The following SDK2 variants were observed in gnomAD, a reference collection of about 807,000 sequenced individuals.
The protein encoded by SDK2 is sidekick cell adhesion molecule 2.
In SDK2, 105 loss-of-function variants were observed where a neutral mutation model predicts 253.9. The ratio of observed to expected loss-of-function variants is 0.41; its 90% confidence interval spans 0.35 to 0.49. The LOEUF (loss-of-function observed/expected upper bound fraction) is 0.49. Among genes scored for constraint, SDK2 ranks in the 20% least tolerant of loss-of-function variants. SDK2 has a pLI of 0.06. For synonymous variants in SDK2, 1,249 were observed against 1,234.9 expected, an observed-to-expected ratio of 1.01 and a Z score of -0.24; for missense variants, 2,608 against 3,003.0, an observed-to-expected ratio of 0.87 and a Z score of 3.07.
At chr17:73,551,411 A>C (rs2045056299) in intron 1 of SDK2, among the ~76,000 whole-genome samples, 1 of 152,186 alleles carries the variant, frequency 6.6e-6, no homozygotes, top group African/African-American at 2.4e-5. Flanking sequence ...GGAGTCACTG[A>C]CGGTCTAAGT....
chr17:73,469,884 A>G (rs1432997168), intron 3 of SDK2, among the ~76,000 whole-genome samples: 1 of 152,044 alleles, frequency 6.6e-6, no homozygotes, highest in Non-Finnish European at 1.5e-5. Flanking sequence ...AACTCCAGAA[A>G]GTTTCTACTG....
rs938723649 is a variant in SDK2, at chr17:73,433,746, A to G, written c.1298T>C (p.Ile433Thr). The change falls in exon 10 of 45, where the codon ATC (isoleucine) becomes ACC (threonine). Residue 433 changes from isoleucine (I) to threonine (T), a missense_variant. Around this residue, in one of 2 missense-constraint regions of SDK2, gnomAD observed 1,505 missense variants for 1,859.1 expected, o/e 0.81. Transcript: ENST00000392650. Reference protein sequence around the residue: ...CETSGAPRPAITWQKGERILA... With the variant: ...CETSGAPRPATTWQKGERILA... Reference sequence around the variant, plus strand: ...GTTCCATCTACCTTTCTGCCAAGTGATAGCTGGTCGGGGCGCCCCCGAGGT... The same window carrying G: ...GTTCCATCTACCTTTCTGCCAAGTGGTAGCTGGTCGGGGCGCCCCCGAGGT... 5.0e-6 allele frequency: 8 copies of G among 1,604,946 alleles called. No individual in the cohort carries two copies. Among genetic ancestry groups the G allele is most frequent in the Non-Finnish European group, 6.8e-6 (8 of 1,175,676 alleles).
In SDK2 at chr17:73,433,802, G is replaced by C. The variant is rs761629975; in HGVS notation, c.1242C>G (p.Ile414Met). The C allele has an allele frequency of 6.2e-7, 1 of 1,602,476 alleles. No homozygotes were observed. Among genetic ancestry groups the C allele is most frequent in the Non-Finnish European group, 8.5e-7 (1 of 1,174,442 alleles). ...ATGCTAGCACCACTGACATGCCATC[G>C]ATCACCGTGCTGTCCAGGGGGCCTC... ...ITRGPLDSTV[I>M]DGMSVVLACE... Residue 414 changes from isoleucine to methionine, a missense_variant, in exon 10 of 45, where the codon ATC becomes ATG. Ile to Met is a conservative substitution (Grantham distance 10). Around this residue, in one of 2 missense-constraint regions of SDK2, gnomAD observed 1,505 missense variants for 1,859.1 expected, o/e 0.81. Transcript: ENST00000392650.
At chr17:73,550,515 G>A (rs534125566) in intron 1 of SDK2, among the ~76,000 whole-genome samples, 2 of 152,184 alleles carry the variant, frequency 1.3e-5, no homozygotes, top group Admixed American at 6.5e-5. Flanking sequence ...CCTGGGTGGC[G>A]GGGGAGTCAG....
At chr17:73,358,242 C>A (rs1200684044) in intron 39 of SDK2, 38 bp from the exon 40 acceptor site, 5 of 1,555,968 alleles carry the variant, frequency 3.2e-6, no homozygotes, top group Middle Eastern at 2.2e-4. Flanking sequence ...TGTATGGAAC[C>A]CAGAACAGCC....
In SDK2 at chr17:73,338,629, T is replaced by A. The variant is rs1270914361; in HGVS notation, c.6477A>T (p.Pro2159=). ...TLYRPPSSLA[P]GSRAPIAGFS... ...ATCCTGCTATGGGAGCCCGGGAGCC[T>A]GGGGCCAGGCTGCTGGGGGGACGGT... The change falls in exon 45 of 45, where the codon CCA becomes CCT. Residue 2159 remains proline, a synonymous_variant. Coordinates refer to ENST00000392650, the MANE Select transcript of SDK2 (RefSeq NM_001144952.2). This position sits in a 1 kb window ranked among gnomAD's most constrained non-coding sequence, Gnocchi z 5.0. The A allele has an allele frequency of 1.3e-6, 2 of 1,532,156 alleles. No individual in the cohort carries two copies. Among genetic ancestry groups the A allele is most frequent in the Non-Finnish European group, 1.7e-6 (2 of 1,144,714 alleles). 94.9% of individuals were successfully genotyped at this position (1,532,156 alleles called of 1,614,324 possible).
intron 1 of SDK2, among the ~76,000 whole-genome samples, chr17:73,553,064 A>G (rs1049498894): frequency 1.3e-5 from 2 of 152,158 alleles, no homozygotes; most frequent in African/African-American, 4.8e-5. Context: ...GCTTCTCTGG[A>G]TGGATGAATG....
chr17:73,444,036 G>T (rs1378611598), intron 5 of SDK2, among the ~76,000 whole-genome samples: 1 of 152,180 alleles, frequency 6.6e-6, no homozygotes, highest in Non-Finnish European at 1.5e-5. Context: ...TGCCGGGAAG[G>T]GGGCAGCTAA....
In SDK2 at chr17:73,431,509, G is replaced by T. The variant is rs151082679; in HGVS notation, c.1473C>A (p.Val491=). The T allele has an allele frequency of 1.2e-6, 2 of 1,611,058 alleles. No homozygotes were observed. Among genetic ancestry groups the T allele is most frequent in the East Asian group, 4.5e-5 (2 of 44,860 alleles). The change falls in exon 11 of 45, where the codon GTC becomes GTA. Residue 491 remains valine, a synonymous_variant. Coordinates refer to ENST00000392650, the MANE Select transcript of SDK2 (RefSeq NM_001144952.2). This position sits in a 1 kb window ranked among gnomAD's most constrained non-coding sequence, Gnocchi z 5.6. ...GTGGCTCTGCACACTCACCCCAAACGACTAGGTCTGCTGAGGCCTCATCGA... is the reference window on the plus strand; with the variant it reads ...GTGGCTCTGCACACTCACCCCAAACTACTAGGTCTGCTGAGGCCTCATCGA... The part of the protein sequence containing the change: ...RGVDEASADL[V]VWARTRITKP...
At chr17:73,418,642 T>C (rs575035132) in intron 16 of SDK2, among the ~76,000 whole-genome samples, 1 of 152,216 alleles carries the variant, frequency 6.6e-6, no homozygotes, top group Admixed American at 6.5e-5. Context: ...AACTTATGAA[T>C]ACCACATTTT....
chr17:73,488,404 T>A (rs2063783450), intron 2 of SDK2, among the ~76,000 whole-genome samples: 1 of 152,202 alleles, frequency 6.6e-6, no homozygotes, highest in African/African-American at 2.4e-5. Context: ...GCGATTGATA[T>A]ATTAGAGAAC....
At chr17:73,460,952 T>C (rs1454497692) in intron 3 of SDK2, among the ~76,000 whole-genome samples, 1 of 152,194 alleles carries the variant, frequency 6.6e-6, no homozygotes, top group Non-Finnish European at 1.5e-5. Context: ...TTAGCTCCAT[T>C]TTGCTGGTGA....
chr17:73,453,059 C>G (rs1173978463), intron 4 of SDK2, among the ~76,000 whole-genome samples: 1 of 152,224 alleles, frequency 6.6e-6, no homozygotes, highest in Admixed American at 6.5e-5. Flanking sequence ...TGCTCTGTAT[C>G]CACACTCTTT....
chr17:73,548,323 G>T (rs569262305), intron 1 of SDK2, among the ~76,000 whole-genome samples: 1 of 152,276 alleles, frequency 6.6e-6, no homozygotes, highest in Admixed American at 6.5e-5. Flanking sequence ...GGGAGAGAGA[G>T]GATTCTGTCA....
At chr17:73,366,923 C>A (rs1005340933) in intron 37 of SDK2, among the ~76,000 whole-genome samples, 2 of 152,158 alleles carry the variant, frequency 1.3e-5, no homozygotes, top group African/African-American at 2.4e-5. Context: ...TGCACAGCAG[C>A]CGGAGCACTT....
At chr17:73,625,638 T>C (rs2046191989) in intron 1 of SDK2, among the ~76,000 whole-genome samples, 2 of 151,838 alleles carry the variant, frequency 1.3e-5, no homozygotes, top group African/African-American at 4.9e-5. Flanking sequence ...TTTCTTTTCT[T>C]TTTTCTTTTT....
At chr17:73,385,384 G>A (rs2062864012) in intron 32 of SDK2, among the ~76,000 whole-genome samples, 1 of 152,202 alleles carries the variant, frequency 6.6e-6, no homozygotes, top group African/African-American at 2.4e-5. Context: ...GCACAGTGAT[G>A]ATGACGGGCA....
At chr17:73,550,110 T>C (rs1220552924) in intron 1 of SDK2, among the ~76,000 whole-genome samples, 1 of 152,152 alleles carries the variant, frequency 6.6e-6, no homozygotes, top group African/African-American at 2.4e-5. Context: ...CCTGCCCCTT[T>C]CCTGCATGGC....
At chr17:73,480,024 A>G (rs1380203548) in intron 2 of SDK2, among the ~76,000 whole-genome samples, 1 of 152,226 alleles carries the variant, frequency 6.6e-6, no homozygotes, top group East Asian at 1.9e-4. Context: ...TCACCCAGGT[A>G]TTAAGCCTAG....
Sources: allele counts gnomAD v4.1 joint callset (sites outside exome capture counted in the v4.1 genomes callset), GRCh38; gene constraint gnomAD v4.1.1; regional missense constraint gnomAD v4.1.1; non-coding constraint Gnocchi (gnomAD v3.1); transcripts MANE v1.5; gene names NCBI Gene and HGNC (gene_info 2026-07-23, HGNC 2026-07-21).